Variants in TANC2 observed in about 807,000 individuals in gnomAD.
TANC2 encodes protein TANC2.
A neutral mutation model predicts 210.5 loss-of-function variants in TANC2; 26 were observed. That is an observed-to-expected ratio of 0.12 (90% CI 0.09 to 0.17). TANC2 has a LOEUF of 0.17. Ranked by LOEUF, TANC2 falls within the 10% of genes least tolerant of loss-of-function variation. The probability of loss-of-function intolerance (pLI) is 1.00; values close to 1 mark genes in which losing one functional copy is unlikely to be tolerated. For missense variants in TANC2, 2,129 were observed against 2,608.9 expected (o/e 0.82, Z 4.01); for synonymous variants, 931 against 967.1 (o/e 0.96, Z 0.69).
At chr17:62,977,516 ATTG>A (rs978141119) in intron 1 of TANC2, among the ~76,000 whole-genome samples, 93 of 152,228 alleles carry the variant, frequency 6.1e-4, no homozygotes, top group African/African-American at 2.2e-3. Flanking sequence ...AGATAATTTA[ATTG>A]TTTTTGTCTT....
At chr17:63,322,820 A>C (rs1289536723) in intron 11 of TANC2, among the ~76,000 whole-genome samples, 2 of 152,238 alleles carry the variant, frequency 1.3e-5, no homozygotes. Flanking sequence ...CAAGATGTTC[A>C]TGTTCAATAT....
Position 62,996,061 on chromosome 17 carries a change from A to G in TANC2, c.-23-13476A>G, listed in dbSNP as rs1005121264. Reference sequence around the variant, plus strand: ...CCTTTCACAGAGGAAAAAACATGCAATTTCCAGATGGTGGACAAATGATTT... The same window carrying G: ...CCTTTCACAGAGGAAAAAACATGCAGTTTCCAGATGGTGGACAAATGATTT... On this transcript the variant is annotated intron_variant, in intron 1 of 27. Transcript: ENST00000689528. 9.2e-5 allele frequency among the ~76,000 whole-genome samples: 14 copies of G among 152,332 alleles called. No homozygotes were observed. In the South Asian group the frequency reaches 1.7e-3, roughly 18 times the overall value.
intron 17 of TANC2, among the ~76,000 whole-genome samples, chr17:63,395,475 A>C (rs1427792986): frequency 6.6e-6 from 1 of 152,126 alleles, no homozygotes; most frequent in Non-Finnish European, 1.5e-5. Flanking sequence ...TCAAACTGAG[A>C]GTTTTGGTTT....
chr17:63,173,327 C>G (rs1012880155), intron 5 of TANC2, among the ~76,000 whole-genome samples: 2 of 152,184 alleles, frequency 1.3e-5, no homozygotes, highest in African/African-American at 4.8e-5. Context: ...AAGAAACCAA[C>G]CTGCTATCTA....
At chr17:63,203,000 T>C (rs1285271461) in intron 7 of TANC2, among the ~76,000 whole-genome samples, 2 of 152,146 alleles carry the variant, frequency 1.3e-5, no homozygotes, top group Admixed American at 6.6e-5. Flanking sequence ...TGCGAACACT[T>C]AGGTTGCTTC....
chr17:63,138,335 G>A (rs2039165922), intron 4 of TANC2, among the ~76,000 whole-genome samples: 1 of 152,152 alleles, frequency 6.6e-6, no homozygotes, highest in South Asian at 2.1e-4. Flanking sequence ...ACCCTAATAC[G>A]AGGAGAAAAC....
chr17:62,999,421 A>C lies in TANC2; in HGVS notation c.-23-10116A>C, dbSNP rs566286908. On this transcript the variant is annotated intron_variant, in intron 1 of 27. Coordinates refer to ENST00000689528, the Ensembl canonical transcript of TANC2. ...AGTGCAAGAACAGCCTAATACACAGACTTTAAACCAACAATGGTCAAAAGA... is the reference window on the plus strand; with the variant it reads ...AGTGCAAGAACAGCCTAATACACAGCCTTTAAACCAACAATGGTCAAAAGA... Among the ~76,000 whole-genome samples the C allele has an allele frequency of 7.2e-5, 11 of 152,338 alleles. No individual in the cohort carries two copies. In the East Asian group the frequency reaches 2.1e-3, roughly 29 times the overall value.
intron 7 of TANC2, among the ~76,000 whole-genome samples, chr17:63,232,830 C>G (rs77640500): frequency 1.3e-5 from 2 of 152,232 alleles, no homozygotes; most frequent in Non-Finnish European, 2.9e-5. Context: ...CTGGACTACC[C>G]GGATTCCTCA....
chr17:63,193,796 T>G (rs2041258234), intron 5 of TANC2, 195 bp from the exon 6 acceptor site: 1 of 525,702 alleles, frequency 1.9e-6, no homozygotes, highest in African/African-American at 2.0e-5. Context: ...CATTTTTATT[T>G]GATTCGTGTA....
chr17:63,307,691 A>G (rs528409933), intron 9 of TANC2, among the ~76,000 whole-genome samples: 46 of 152,322 alleles, frequency 3.0e-4, no homozygotes, highest in African/African-American at 9.9e-4. Flanking sequence ...TCAGTGAACA[A>G]TTTTGTTTAA....
chr17:63,115,099 T>A (rs529735472), intron 4 of TANC2, among the ~76,000 whole-genome samples: 1 of 152,276 alleles, frequency 6.6e-6, no homozygotes, highest in East Asian at 1.9e-4. Flanking sequence ...TCTTTTTACC[T>A]AAGATATTGA....
chr17:63,033,823 AAG>A (rs1270215638), intron 2 of TANC2, among the ~76,000 whole-genome samples: 1 of 152,132 alleles, frequency 6.6e-6, no homozygotes, highest in African/African-American at 2.4e-5. Flanking sequence ...AAGGCAGAGG[AAG>A]AGAGAGAGAA....
chr17:63,311,749 TAAAC>T (rs374911660), intron 9 of TANC2, among the ~76,000 whole-genome samples: 18 of 152,286 alleles, frequency 1.2e-4, no homozygotes, highest in African/African-American at 4.3e-4. Flanking sequence ...TATTAACTGA[TAAAC>T]AAAATATGGT....
chr17:63,009,787 A>T (rs1045160412), intron 2 of TANC2, among the ~76,000 whole-genome samples, 161 bp downstream of exon 2: 1 of 152,212 alleles, frequency 6.6e-6, no homozygotes, highest in Non-Finnish European at 1.5e-5. Flanking sequence ...AGAGGTAGGA[A>T]CACTTGAATG....
chr17:63,368,675 A>G (rs1272666995), intron 14 of TANC2, among the ~76,000 whole-genome samples: 1 of 149,474 alleles, frequency 6.7e-6, no homozygotes, highest in African/African-American at 2.6e-5. Flanking sequence ...AAGAGGCCAT[A>G]TATGGCTTTT....
chr17:63,082,518 A>G (rs1286195577), intron 3 of TANC2, among the ~76,000 whole-genome samples: 3 of 152,228 alleles, frequency 2.0e-5, no homozygotes, highest in Non-Finnish European at 4.4e-5. Flanking sequence ...AAATAATGTA[A>G]CAAAATTTAT....
intron 12 of TANC2, 101 bp downstream of exon 12, chr17:63,340,433 T>A (rs553772677): frequency 1.3e-5 from 12 of 955,646 alleles, no homozygotes; most frequent in African/African-American, 1.8e-5. Flanking sequence ...TTGCCAAAAC[T>A]AAATGTTCCA....
At chr17:63,374,359 A>T (rs1017086942) in intron 14 of TANC2, among the ~76,000 whole-genome samples, 1 of 152,106 alleles carries the variant, frequency 6.6e-6, no homozygotes, top group African/African-American at 2.4e-5. Context: ...CTTAAGATAC[A>T]CAGGTATAAG....
chr17:63,354,802 C>T (rs752785799), exon 14 of TANC2: 1 of 1,573,750 alleles, frequency 6.4e-7, no homozygotes, highest in South Asian at 1.2e-5. Flanking sequence ...AAGCTGCTGC[C>T]TTTCCATAGG....
Sources: allele counts gnomAD v4.1 joint callset (sites outside exome capture counted in the v4.1 genomes callset), GRCh38; gene constraint gnomAD v4.1.1; transcripts MANE v1.5; gene names NCBI Gene and HGNC (gene_info 2026-07-23, HGNC 2026-07-21).